The following SRRM4 variants were observed in gnomAD, a reference collection of about 807,000 sequenced individuals.
The protein encoded by SRRM4 is serine/arginine repetitive matrix 4.
A neutral mutation model predicts 68.9 loss-of-function variants in SRRM4; 33 were observed. The ratio of observed to expected loss-of-function variants is 0.48; its 90% CI spans 0.36 to 0.64. The LOEUF is 0.64. SRRM4 is among the 30% of genes least tolerant of loss of function. The pLI, the probability that SRRM4 is intolerant of heterozygous loss-of-function variation, is 0.00. For missense variants in SRRM4, 817 were observed against 827.1 expected (o/e 0.99, Z 0.15); for synonymous variants, 318 against 318.8 (o/e 1.00, Z 0.03).
chr12:119,078,680 G>A (rs1953930345), intron 1 of SRRM4, among the ~76,000 whole-genome samples: 1 of 152,162 alleles, frequency 6.6e-6, no homozygotes, highest in Non-Finnish European at 1.5e-5. Flanking sequence ...AGCACTTTGG[G>A]AGGCCAAGGC....
chr12:119,031,560 A>T (rs1183933018), intron 1 of SRRM4, among the ~76,000 whole-genome samples: 1 of 152,160 alleles, frequency 6.6e-6, no homozygotes, highest in Non-Finnish European at 1.5e-5. Flanking sequence ...AGACAAAATG[A>T]TGTGAACATT....
chr12:119,045,563 A>G (rs964028268), intron 1 of SRRM4, among the ~76,000 whole-genome samples: 6 of 143,962 alleles, frequency 4.2e-5, no homozygotes, highest in African/African-American at 7.7e-5. Context: ...AGCCAACTCC[A>G]TGTGGCTGGT....
intron 1 of SRRM4, among the ~76,000 whole-genome samples, chr12:119,078,133 C>T (rs1010669582): frequency 2.0e-5 from 3 of 152,266 alleles, no homozygotes; most frequent in East Asian, 1.9e-4. Context: ...ACGTTATTCA[C>T]GTGTCTACTG....
intron 6 of SRRM4, among the ~76,000 whole-genome samples, chr12:119,122,840 T>C (rs887998527): frequency 3.3e-5 from 5 of 152,182 alleles, no homozygotes; most frequent in African/African-American, 1.2e-4. Context: ...AGCATGTGTA[T>C]GAATTCATGT....
At chr12:119,041,158 C>T (rs998215344) in intron 1 of SRRM4, among the ~76,000 whole-genome samples, 2 of 152,036 alleles carry the variant, frequency 1.3e-5, no homozygotes, top group Admixed American at 6.6e-5. Flanking sequence ...TCGTATTACC[C>T]CTGTCCTTCA....
At chr12:119,045,912 C>T (rs1359734176) in intron 1 of SRRM4, among the ~76,000 whole-genome samples, 1 of 151,922 alleles carries the variant, frequency 6.6e-6, no homozygotes, top group African/African-American at 2.4e-5. Flanking sequence ...GTGGTGTGCA[C>T]CTGTAGTCCC....
intron 1 of SRRM4, among the ~76,000 whole-genome samples, chr12:119,035,612 C>A (rs1005243489): frequency 6.6e-5 from 10 of 152,062 alleles, no homozygotes; most frequent in African/African-American, 2.4e-4. Flanking sequence ...GATCCTTTAT[C>A]ATTTTCAATC....
Position 118,985,956 on chromosome 12 carries a change from T to C in SRRM4, c.131+3943T>C, listed in dbSNP as rs114595268. 3.5e-3 allele frequency among the ~76,000 whole-genome samples: 531 copies of C among 152,358 alleles called. 5 individuals carry two copies. Among genetic ancestry groups the C allele is most frequent in the African/African-American group, 0.012 (501 of 41,582 alleles). ...ATCCCCTTAAGTAGAACACACATTT[T>C]CCTTACAATTCTTTTAGCAAGCTAT... On this transcript the variant is annotated intron_variant, in intron 1 of 12. Transcript: ENST00000267260.
At chr12:119,127,533 C>A (rs1048947913) in intron 7 of SRRM4, among the ~76,000 whole-genome samples, 1 of 151,928 alleles carries the variant, frequency 6.6e-6, no homozygotes, top group Non-Finnish European at 1.5e-5. Flanking sequence ...TTAGTGATCA[C>A]CCTGGCCAAC....
At chr12:119,102,460 T>A in intron 2 of SRRM4, 78 bp downstream of exon 2, 1 of 1,140,292 alleles carries the variant, frequency 8.8e-7, no homozygotes, top group Non-Finnish European at 1.2e-6. Context: ...ACCCCTCTCT[T>A]ATGCAAGTTC....
intron 1 of SRRM4, among the ~76,000 whole-genome samples, chr12:119,051,883 A>C (rs1392520198): frequency 6.6e-6 from 1 of 152,230 alleles, no homozygotes; most frequent in Non-Finnish European, 1.5e-5. Context: ...AATATCAAAC[A>C]ATCTTTCTGT....
chr12:119,150,777 G>A (rs768305566), intron 9 of SRRM4, among the ~76,000 whole-genome samples: 14 of 152,076 alleles, frequency 9.2e-5, no homozygotes, highest in African/African-American at 1.7e-4. Flanking sequence ...TGGCCCCAGC[G>A]GTATGTGTTT....
intron 1 of SRRM4, among the ~76,000 whole-genome samples, chr12:119,023,798 T>C (rs535212407): frequency 6.7e-4 from 102 of 152,338 alleles, no homozygotes; most frequent in Non-Finnish European, 1.1e-3. Context: ...ATGAGCCCTT[T>C]CTTTGTCTTC....
intron 1 of SRRM4, among the ~76,000 whole-genome samples, chr12:119,078,850 A>G (rs924913908): frequency 8.5e-5 from 13 of 152,244 alleles, no homozygotes; most frequent in African/African-American, 2.9e-4. Context: ...GGATCACTCA[A>G]GCCCAGGAAT....
intron 1 of SRRM4, among the ~76,000 whole-genome samples, chr12:118,987,159 C>T (rs528228193): frequency 2.4e-4 from 36 of 152,278 alleles, no homozygotes; most frequent in African/African-American, 8.4e-4. Context: ...AGTCACTTCA[C>T]CTCTTTGTGC....
chr12:118,998,012 A>G (rs576131797), intron 1 of SRRM4, among the ~76,000 whole-genome samples: 155 of 152,148 alleles, frequency 1.0e-3, no homozygotes, highest in Non-Finnish European at 1.8e-3. Flanking sequence ...TTGTTCCCTA[A>G]GGAAAATTGA....
intron 1 of SRRM4, among the ~76,000 whole-genome samples, chr12:118,998,071 T>C (rs1471015234): frequency 6.6e-6 from 1 of 152,112 alleles, no homozygotes; most frequent in East Asian, 1.9e-4. Context: ...CCAAGTTTGC[T>C]GGTCAGAGGC....
At chr12:119,017,344 C>G (rs930785283) in intron 1 of SRRM4, among the ~76,000 whole-genome samples, 5 of 152,224 alleles carry the variant, frequency 3.3e-5, no homozygotes, top group African/African-American at 9.6e-5. Context: ...GGATGCTATG[C>G]CTGGAAAGGC....
Position 119,151,248 on chromosome 12 carries a change from C to A in SRRM4, c.1280+28C>A, listed in dbSNP as rs116238652. The A allele has an allele frequency of 1.4e-3, 2,218 of 1,586,544 alleles. 33 individuals carry two copies. In the African/African-American group the frequency reaches 0.025, roughly 18 times the overall value. Reference sequence around the variant, plus strand: ...GAGTGTGGTTTTGACCTTTGCTCTGCAGCACCTTTCTCCTTAGGAAATTAG... The same window carrying A: ...GAGTGTGGTTTTGACCTTTGCTCTGAAGCACCTTTCTCCTTAGGAAATTAG... On this transcript the variant is annotated intron_variant, in intron 10 of 12. Transcript: ENST00000267260.
Sources: allele counts gnomAD v4.1 joint callset (sites outside exome capture counted in the v4.1 genomes callset), GRCh38; gene constraint gnomAD v4.1.1; transcripts MANE v1.5; gene names NCBI Gene and HGNC (gene_info 2026-07-23, HGNC 2026-07-21).